Variants in EFCAB14 observed in about 807,000 individuals in gnomAD.
EFCAB14 encodes the protein EF-hand calcium-binding domain-containing protein 14.
A neutral mutation model predicts 56.5 loss-of-function variants in EFCAB14; 43 were observed. The ratio of observed to expected loss-of-function variants is 0.76; its 90% CI spans 0.60 to 0.98. The LOEUF (loss-of-function observed/expected upper bound fraction) is 0.98. EFCAB14 is among the 50% of genes least tolerant of loss of function. The pLI is 0.00. For synonymous variants in EFCAB14, 235 were observed against 212.9 expected, an observed-to-expected ratio of 1.10 and a Z score of -0.90; for missense variants, 538 against 580.3, an observed-to-expected ratio of 0.93 and a Z score of 0.75.
chr1:46,693,596 CA>C (rs1161565686), intron 4 of EFCAB14, among the ~76,000 whole-genome samples: 13 of 152,176 alleles, frequency 8.5e-5, no homozygotes, highest in Middle Eastern at 3.2e-3. Context: ...TACAGGCATT[CA>C]AAGACACCTA....
chr1:46,683,175 G>T, intron 10 of EFCAB14, 125 bp downstream of exon 10: 1 of 1,107,062 alleles, frequency 9.0e-7, no homozygotes, highest in Non-Finnish European at 1.3e-6. Context: ...TGCATATAAA[G>T]TATCTGGCAC....
At position 46,683,364 on chromosome 1, in the gene EFCAB14, T is replaced by C. The variant is rs1676827241; in HGVS notation, c.1248A>G (p.Gly416=). 1.2e-6 allele frequency: 2 copies of C among 1,614,120 alleles called. No homozygotes were observed. The highest frequency in any genetic ancestry group is 3.3e-4 in the Middle Eastern group (2 of 6,060). Residue 416 remains glycine (G), a synonymous_variant, in exon 10 of 11, where the codon GGA becomes GGG. Transcript: ENST00000371933. ...GTTGGGCAGCTTTCTCAACTGGGTC[T>C]CCAAGAAACTGTGAAAATTTTGGCA... ...SALPKFSQFL[G]DPVEKAAQLR...
Position 46,675,966 on chromosome 1 carries a change from AAACT to A in EFCAB14, c.*2491_*2494del, listed in dbSNP as rs1178273227. On this transcript the variant is annotated 3_prime_UTR_variant, in exon 11 of 11. Coordinates refer to ENST00000371933, the MANE Select transcript of EFCAB14 (RefSeq NM_014774.3). ...AGGGTTTAAAACCAAAACCAAAACCAAACTCACTATCCAGTCTTCCTCTCAGAGA... is the reference window on the plus strand; with the variant it reads ...AGGGTTTAAAACCAAAACCAAAACCACACTATCCAGTCTTCCTCTCAGAGA... The A allele has an allele frequency of 1.3e-5, 2 of 152,248 alleles. No individual in the cohort carries two copies. Among genetic ancestry groups the A allele is most frequent in the East Asian group, 3.8e-4 (2 of 5,200 alleles). 9.4% of individuals were successfully genotyped at this position (152,248 alleles called of 1,614,324 possible).
At chr1:46,691,460 G>T (rs1374404185) in intron 5 of EFCAB14, among the ~76,000 whole-genome samples, 1 of 152,212 alleles carries the variant, frequency 6.6e-6, no homozygotes, top group Non-Finnish European at 1.5e-5. Flanking sequence ...GCACAGAATA[G>T]TGAGAAATAA....
chr1:46,685,202 G>T (rs1216497486), intron 8 of EFCAB14: 1 of 152,126 alleles, frequency 6.6e-6, no homozygotes, highest in Non-Finnish European at 1.5e-5. Context: ...TTGCTTGCTC[G>T]TATCTTTTAA....
At chr1:46,694,670 A>C (rs1022354572) in intron 4 of EFCAB14, among the ~76,000 whole-genome samples, 8 of 152,180 alleles carry the variant, frequency 5.3e-5, no homozygotes, top group Admixed American at 2.0e-4. Context: ...GACAGTGTGG[A>C]GATTCCTCAA....
Position 46,688,458 on chromosome 1 carries a change from T to A in EFCAB14, c.882A>T (p.Gly294=). 1 of 1,613,976 alleles carries A rather than the reference T, an allele frequency of 6.2e-7. No homozygotes were observed. The highest frequency in any genetic ancestry group is 1.1e-5 in the South Asian group (1 of 91,076). The change falls in exon 7 of 11, where the codon GGA becomes GGT. Residue 294 remains glycine (G), a synonymous_variant. Coordinates refer to ENST00000371933, the MANE Select transcript of EFCAB14 (RefSeq NM_014774.3). The part of the protein sequence containing the change: ...YQRQNDLKLE[G]MNETVSNLTQ... Reference sequence around the variant, plus strand: ...TAAGATTACTGACTGTCTCGTTCATTCCCTCGAGTTTAAGATCATTCTGTC... The same window carrying A: ...TAAGATTACTGACTGTCTCGTTCATACCCTCGAGTTTAAGATCATTCTGTC...
intron 8 of EFCAB14, 145 bp downstream of exon 8, chr1:46,686,639 A>G: frequency 2.5e-6 from 2 of 813,972 alleles, no homozygotes; most frequent in Non-Finnish European, 4.0e-6. Context: ...TTTATTCACT[A>G]ACATACTAAT....
chr1:46,715,909 A>G (rs1677381691), intron 2 of EFCAB14, among the ~76,000 whole-genome samples: 1 of 152,150 alleles, frequency 6.6e-6, no homozygotes, highest in Non-Finnish European at 1.5e-5. Context: ...AGCAGGGTTG[A>G]CTTTGTCCCA....
At chr1:46,694,159 T>C (rs1363587949) in intron 4 of EFCAB14, among the ~76,000 whole-genome samples, 1 of 152,298 alleles carries the variant, frequency 6.6e-6, no homozygotes, top group South Asian at 2.1e-4. Context: ...ATTCAGGACA[T>C]AGGCATGGGC....
chr1:46,686,558 C>A, intron 8 of EFCAB14: 1 of 539,048 alleles, frequency 1.9e-6, no homozygotes, highest in Admixed American at 3.2e-5. Context: ...ACATGTCTGC[C>A]TTGCTCACTA....
Position 46,683,365 on chromosome 1 carries a change from C to T in EFCAB14, c.1247G>A (p.Gly416Glu). Residue 416 changes from glycine to glutamate, a missense_variant, in exon 10 of 11, where the codon GGA (glycine) becomes GAA (glutamate). By Grantham distance (98) the Gly-to-Glu change is moderately conservative (BLOSUM62 -2). Coordinates refer to ENST00000371933, the MANE Select transcript of EFCAB14 (RefSeq NM_014774.3). ...SALPKFSQFL[G>E]DPVEKAAQLR... ...TTGGGCAGCTTTCTCAACTGGGTCT[C>T]CAAGAAACTGTGAAAATTTTGGCAA... The T allele has an allele frequency of 1.2e-6, 2 of 1,614,038 alleles. No homozygotes were observed. The highest frequency in any genetic ancestry group is 1.7e-6 in the Non-Finnish European group (2 of 1,179,962).
intron 2 of EFCAB14, among the ~76,000 whole-genome samples, chr1:46,708,477 T>C (rs10890412): frequency 0.38 from 58,420 of 152,062 alleles, 12,869 homozygotes; most frequent in Non-Finnish European, 0.5. Context: ...AGATGATAAA[T>C]GCTAAGTACT....
intron 3 of EFCAB14, among the ~76,000 whole-genome samples, chr1:46,706,893 T>C (rs936882567): frequency 3.9e-5 from 6 of 152,180 alleles, no homozygotes; most frequent in Admixed American, 6.5e-5. Flanking sequence ...CAGTTACAAA[T>C]AGGTATGTAT....
intron 8 of EFCAB14, among the ~76,000 whole-genome samples, chr1:46,685,544 T>C (rs1384035446): frequency 6.6e-6 from 1 of 152,230 alleles, no homozygotes; most frequent in East Asian, 1.9e-4. Context: ...AGGTACTAAA[T>C]GTTTGAAGAA....
intron 4 of EFCAB14, among the ~76,000 whole-genome samples, chr1:46,693,723 A>C (rs1251742206): frequency 2.0e-5 from 3 of 152,094 alleles, no homozygotes; most frequent in Non-Finnish European, 4.4e-5. Flanking sequence ...CTAAGGAAGC[A>C]ACTGACAGAG....
intron 7 of EFCAB14, among the ~76,000 whole-genome samples, chr1:46,688,127 C>T (rs771738244): frequency 5.3e-5 from 8 of 152,150 alleles, no homozygotes; most frequent in African/African-American, 4.8e-5. Flanking sequence ...GTAAGCGACT[C>T]GACCTCTCCG....
intron 10 of EFCAB14, among the ~76,000 whole-genome samples, chr1:46,681,649 A>G (rs957032773): frequency 1.4e-5 from 2 of 144,726 alleles, no homozygotes; most frequent in Non-Finnish European, 3.0e-5. Context: ...CCAAGTGGCT[A>G]GCTGAAGAGT....
chr1:46,713,748 G>T (rs887869065), intron 2 of EFCAB14, among the ~76,000 whole-genome samples: 1 of 152,110 alleles, frequency 6.6e-6, no homozygotes, highest in Non-Finnish European at 1.5e-5. Context: ...TAACTACAGG[G>T]CTGTAGTTAG....
Sources: allele counts gnomAD v4.1 joint callset (sites outside exome capture counted in the v4.1 genomes callset), GRCh38; gene constraint gnomAD v4.1.1; transcripts MANE v1.5; gene names NCBI Gene and HGNC (gene_info 2026-07-23, HGNC 2026-07-21).